Variants in NSL1 observed in about 807,000 individuals in gnomAD.
NSL1 encodes the protein kinetochore-associated protein NSL1 homolog.
NSL1 carries 11 observed loss-of-function variants against 25.4 expected under a neutral mutation model. That is an observed-to-expected ratio of 0.43 (90% CI 0.27 to 0.72). The LOEUF is 0.72. Among genes scored for constraint, NSL1 ranks in the 30% least tolerant of loss-of-function variants. The probability of loss-of-function intolerance (pLI) is 0.19; values close to 1 mark genes in which losing one functional copy is unlikely to be tolerated. For synonymous variants in NSL1, 118 were observed against 120.6 expected (o/e 0.98, Z 0.14); for missense variants, 330 against 342.7 (o/e 0.96, Z 0.29).
chr1:212,757,190 G>A (rs1659354556), intron 4 of NSL1, among the ~76,000 whole-genome samples: 1 of 152,148 alleles, frequency 6.6e-6, no homozygotes, highest in Non-Finnish European at 1.5e-5. Flanking sequence ...AGTGTTAGTG[G>A]AGCACAGTAA....
At chr1:212,784,639 T>C in intron 2 of NSL1, 146 bp from the exon 3 acceptor site, 1 of 485,878 alleles carries the variant, frequency 2.1e-6, no homozygotes, top group South Asian at 3.6e-5. Context: ...TGCCCCCACT[T>C]TGGTGATTAA....
At position 212,737,774 on chromosome 1, in the gene NSL1, T is replaced by G; in HGVS notation, c.*634A>C. Reference sequence around the variant, plus strand: ...AGGAAACATTGGCTACATGCCAATTTTTATTTCAAAGAGTAATGTTGCACA... The same window carrying G: ...AGGAAACATTGGCTACATGCCAATTGTTATTTCAAAGAGTAATGTTGCACA... On this transcript the variant is annotated 3_prime_UTR_variant, in exon 6 of 6. Coordinates refer to ENST00000366977, the MANE Select transcript of NSL1 (RefSeq NM_015471.4). The G allele has an allele frequency of 1.0e-6, 1 of 985,438 alleles. No homozygotes were observed. Among genetic ancestry groups the G allele is most frequent in the Non-Finnish European group, 1.2e-6 (1 of 829,890 alleles). 61.0% of individuals were successfully genotyped at this position (985,438 alleles called of 1,614,324 possible).
In NSL1 at chr1:212,735,451, G is replaced by A. The variant is rs1280811266; in HGVS notation, c.*2957C>T. 3 of 985,414 alleles carry A rather than the reference G, an allele frequency of 3.0e-6. No homozygotes were observed. In the African/African-American group the frequency reaches 5.2e-5, roughly 17 times the overall value. The allele number at this position is 985,414 out of a possible 1,614,324, so 61.0% of individuals were successfully genotyped here. Reference sequence around the variant, plus strand: ...CTTACAAGATGAAATCATACTGTTTGAAGCAATAAAAAATTTGGTTTTATT... The same window carrying A: ...CTTACAAGATGAAATCATACTGTTTAAAGCAATAAAAAATTTGGTTTTATT... On this transcript the variant is annotated 3_prime_UTR_variant, in exon 6 of 6. Coordinates refer to ENST00000366977, the MANE Select transcript of NSL1 (RefSeq NM_015471.4).
At position 212,734,498 on chromosome 1, in the gene NSL1, T is replaced by C. The variant is rs1658154909; in HGVS notation, c.*3910A>G. Among the ~76,000 whole-genome samples the C allele has an allele frequency of 1.3e-5, 2 of 152,328 alleles. No individual in the cohort carries two copies. Among genetic ancestry groups the C allele is most frequent in the Admixed American group, 1.3e-4 (2 of 15,302 alleles). On this transcript the variant is annotated 3_prime_UTR_variant, in exon 6 of 6. Coordinates refer to ENST00000366977, the MANE Select transcript of NSL1 (RefSeq NM_015471.4). ...CATGTGAGCACCACTCAGATCAAGA[T>C]ACAGAACATTTTGCTCACCCAAAAA... is the stretch of plus-strand genomic sequence containing the variant.
rs765165804 is a variant in NSL1 at position 212,739,569 on chromosome 1, C to T, written c.532G>A (p.Glu178Lys). Reference sequence around the variant, plus strand: ...TCACTGATCTCCTTTGCTACTGTTTCCCCTCTGCATTTCAAATTTTCCATA... The same window carrying T: ...TCACTGATCTCCTTTGCTACTGTTTTCCCTCTGCATTTCAAATTTTCCATA... ...PHMENLKCRGETVAKEISEAM... is the reference protein window; with the variant it reads ...PHMENLKCRGKTVAKEISEAM... The change falls in exon 5 of 6, where the codon GAA becomes AAA. Residue 178 changes from glutamate to lysine, a missense_variant. Physicochemically the swap from Glu to Lys is moderately conservative, Grantham distance 56. Transcript: ENST00000366977. 1 of 1,613,604 alleles carries T rather than the reference C, an allele frequency of 6.2e-7. No homozygotes were observed. Among genetic ancestry groups the T allele is most frequent in the Admixed American group, 1.7e-5 (1 of 59,982 alleles).
chr1:212,785,199 T>C (rs1660892490), intron 2 of NSL1, among the ~76,000 whole-genome samples: 1 of 152,144 alleles, frequency 6.6e-6, no homozygotes, highest in Non-Finnish European at 1.5e-5. Flanking sequence ...CTCAACTGGA[T>C]TGATGGTAGG....
intron 4 of NSL1, among the ~76,000 whole-genome samples, chr1:212,780,366 C>T (rs1230976238): frequency 6.6e-6 from 1 of 151,388 alleles, no homozygotes. Flanking sequence ...ACAAACACTG[C>T]GGAAGGCCGC....
chr1:212,784,615 G>T, intron 2 of NSL1, 122 bp from the exon 3 acceptor site: 1 of 554,438 alleles, frequency 1.8e-6, no homozygotes, highest in Non-Finnish European at 3.0e-6. Context: ...AAACAAATAT[G>T]GCAAGTTAAT....
chr1:212,767,586 A>G (rs879411499), intron 4 of NSL1, among the ~76,000 whole-genome samples: 3 of 152,242 alleles, frequency 2.0e-5, no homozygotes, highest in Non-Finnish European at 4.4e-5. Flanking sequence ...TAATTAAACT[A>G]AAAAGCTTCC....
intron 5 of NSL1, among the ~76,000 whole-genome samples, 185 bp from the exon 6 acceptor site, chr1:212,738,871 A>G (rs1218162040): frequency 1.3e-5 from 2 of 151,500 alleles, no homozygotes; most frequent in African/African-American, 4.9e-5. Flanking sequence ...CAAGCAATTC[A>G]CCTGCCTCAG....
intron 1 of NSL1, among the ~76,000 whole-genome samples, chr1:212,790,422 T>C (rs922941203): frequency 5.3e-5 from 8 of 152,186 alleles, no homozygotes; most frequent in African/African-American, 1.9e-4. Context: ...AGATCATACA[T>C]TTGCCTCTAT....
Position 212,732,313 on chromosome 1 carries a change from G to A in NSL1, c.*6095C>T, listed in dbSNP as rs1658054830. ...AATATCTCTTTTGGAGTCCTACATA[G>A]TCCTTTTTTTTTTTTTGAGATGAAG... is the stretch of plus-strand genomic sequence containing the variant. On this transcript the variant is annotated 3_prime_UTR_variant, in exon 6 of 6. Transcript: ENST00000366977. 1 of 807,092 alleles carries A rather than the reference G, an allele frequency of 1.2e-6. No homozygotes were observed. The highest frequency in any genetic ancestry group is 8.0e-5 in the Admixed American group (1 of 12,508). 50.0% of individuals were successfully genotyped at this position (807,092 alleles called of 1,614,324 possible).
Position 212,737,768 on chromosome 1 carries a change from C to T in NSL1, c.*640G>A. 8 of 985,208 alleles carry T rather than the reference C, an allele frequency of 8.1e-6. No homozygotes were observed. Among genetic ancestry groups the T allele is most frequent in the Non-Finnish European group, 8.4e-6 (7 of 829,806 alleles). The allele number at this position is 985,208 out of a possible 1,614,324, so 61.0% of individuals were successfully genotyped here. On this transcript the variant is annotated 3_prime_UTR_variant, in exon 6 of 6. Transcript: ENST00000366977. ...GTGGGCAGGAAACATTGGCTACATGCCAATTTTTATTTCAAAGAGTAATGT... is the reference window on the plus strand; with the variant it reads ...GTGGGCAGGAAACATTGGCTACATGTCAATTTTTATTTCAAAGAGTAATGT...
chr1:212,779,087 G>A (rs1318661326), intron 4 of NSL1, among the ~76,000 whole-genome samples: 11 of 149,926 alleles, frequency 7.3e-5, no homozygotes, highest in East Asian at 6.0e-4. Context: ...GTCTCTGCCC[G>A]GCCGCCCCGT....
rs1657842953 is a variant in NSL1 at position 212,727,663 on chromosome 1, G to A, written c.*10745C>T. 1 of 985,260 alleles carries A rather than the reference G, an allele frequency of 1.0e-6. No individual in the cohort carries two copies. Among genetic ancestry groups the A allele is most frequent in the Non-Finnish European group, 1.2e-6 (1 of 829,848 alleles). The allele number at this position is 985,260 out of a possible 1,614,324, so 61.0% of individuals were successfully genotyped here. ...CAGAATTTACTATAATTATAATCCT[G>A]AACAATCAGGACTGTTAGCTTCCCA... On this transcript the variant is annotated 3_prime_UTR_variant, in exon 6 of 6. Transcript: ENST00000366977.
intron 4 of NSL1, among the ~76,000 whole-genome samples, chr1:212,752,335 T>A (rs1286231519): frequency 2.0e-5 from 3 of 152,184 alleles, no homozygotes; most frequent in African/African-American, 7.2e-5. Context: ...AAAGTGTAAC[T>A]ATTTGTGAGT....
At chr1:212,764,163 T>C (rs908062356) in intron 4 of NSL1, 3 of 223,180 alleles carry the variant, frequency 1.3e-5, no homozygotes, top group African/African-American at 7.0e-5. Context: ...AATTAAATAA[T>C]CTGCTCTTGT....
intron 4 of NSL1, among the ~76,000 whole-genome samples, chr1:212,778,077 C>T (rs1206949520): frequency 6.6e-6 from 1 of 151,948 alleles, no homozygotes; most frequent in Non-Finnish European, 1.5e-5. Flanking sequence ...ATTTATGGGA[C>T]TTATTGATGG....
chr1:212,784,969 GCAGT>G (rs1253661341), intron 2 of NSL1, among the ~76,000 whole-genome samples: 3 of 152,202 alleles, frequency 2.0e-5, no homozygotes, highest in African/African-American at 7.2e-5. Flanking sequence ...AGCATTTTAG[GCAGT>G]GGAAACAGTA....
Sources: gnomAD v4.1 joint callset for allele counts (sites outside exome capture counted in the v4.1 genomes callset) on GRCh38, gnomAD v4.1.1 for gene constraint, MANE v1.5 for transcripts, NCBI Gene and HGNC (gene_info 2026-07-23, HGNC 2026-07-21) for gene names.